TMC2: variants seen among roughly 807,000 people sequenced by gnomAD.
The protein encoded by TMC2 is transmembrane channel like 2.
In TMC2, 102 loss-of-function variants were observed where a neutral mutation model predicts 105.9. The ratio of observed to expected loss-of-function variants is 0.96; its 90% CI spans 0.82 to 1.14. TMC2 has a LOEUF of 1.14. Ranked by LOEUF, TMC2 falls within the 50% of genes most tolerant of loss-of-function variation. The probability of loss-of-function intolerance (pLI) is 0.00; values close to 1 mark genes in which losing one functional copy is unlikely to be tolerated. For synonymous variants in TMC2, 402 were observed against 422.8 expected (o/e 0.95, Z 0.60); for missense variants, 1,093 against 1,134.3 (o/e 0.96, Z 0.52).
intron 4 of TMC2, among the ~76,000 whole-genome samples, chr20:2,569,103 T>A (rs560472984): frequency 1.3e-5 from 2 of 152,278 alleles, no homozygotes; most frequent in South Asian, 4.2e-4. Flanking sequence ...AAACTAGCTT[T>A]CTGAGGTGTG....
intron 11 of TMC2, among the ~76,000 whole-genome samples, chr20:2,609,543 G>A (rs755018930): frequency 2.0e-5 from 3 of 152,124 alleles, no homozygotes; most frequent in Admixed American, 6.5e-5. Flanking sequence ...CAGGAATACC[G>A]TGATCAAATA....
intron 4 of TMC2, among the ~76,000 whole-genome samples, chr20:2,570,488 A>G (rs2086095387): frequency 6.6e-6 from 1 of 152,176 alleles, no homozygotes; most frequent in South Asian, 2.1e-4. Context: ...ACTACAATAC[A>G]ATGACTAAAG....
Position 2,616,076 on chromosome 20 carries a change from G to A in TMC2, c.1873-61G>A, listed in dbSNP as rs2086478379. 2.8e-6 allele frequency: 4 copies of A among 1,449,532 alleles called. No homozygotes were observed. The highest frequency in any genetic ancestry group is 1.4e-5 in the African/African-American group (1 of 71,094). 89.8% of individuals were successfully genotyped at this position (1,449,532 alleles called of 1,614,324 possible). A position where few individuals can be genotyped will look rare whatever the true frequency, so the allele number is the denominator to read the frequency against. ...AGTTGGTTGGTAGTAGGGTTTGGCT[G>A]AATTCACCAAACGTGCTTTTTTTTT... On this transcript the variant is annotated intron_variant, in intron 14 of 19. Coordinates refer to ENST00000358864, the MANE Select transcript of TMC2 (RefSeq NM_080751.3). The surrounding 1 kb of genome is among the most constrained non-coding windows in gnomAD (Gnocchi z 4.8).
chr20:2,574,753 T>A lies in TMC2; in HGVS notation c.645+2484T>A, dbSNP rs1314043197. Among the ~76,000 whole-genome samples, 3 of 152,170 alleles carry A rather than the reference T, an allele frequency of 2.0e-5. No individual in the cohort carries two copies. The East Asian group carries it at 5.8e-4, about 29-fold the overall frequency. On this transcript the variant is annotated intron_variant, in intron 5 of 19. Coordinates refer to ENST00000358864, the MANE Select transcript of TMC2 (RefSeq NM_080751.3). The stretch of plus-strand genomic sequence containing the variant: ...TCTTATTCCTTTGTTTTTTTGTTTT[T>A]TTTTCTCTGTCGCCCAGGCTAGAGT...
At chr20:2,622,068 A>G (rs752789493) in intron 16 of TMC2, among the ~76,000 whole-genome samples, 1 of 152,208 alleles carries the variant, frequency 6.6e-6, no homozygotes, top group Non-Finnish European at 1.5e-5. Context: ...ATTGTCATAC[A>G]GTGATGTGCC....
At chr20:2,628,209 T>G (rs889080608) in intron 17 of TMC2, among the ~76,000 whole-genome samples, 3 of 151,960 alleles carry the variant, frequency 2.0e-5, no homozygotes, top group African/African-American at 7.2e-5. Context: ...CACACCTATG[T>G]TGTTAAGTTT....
intron 17 of TMC2, among the ~76,000 whole-genome samples, chr20:2,625,133 T>C (rs189012192): frequency 2.4e-4 from 36 of 152,334 alleles, no homozygotes; most frequent in Admixed American, 2.3e-3. Context: ...GAGTCTTGGA[T>C]TGGAATTGTT....
At position 2,588,012 on chromosome 20, in the gene TMC2, T is replaced by TCC. The variant is rs59961414; in HGVS notation, c.835-4289_835-4288dup. On this transcript the variant is annotated intron_variant, in intron 7 of 19. Transcript: ENST00000358864. ...CTAAATGACCCTCAATCTTGTATAA[T>TCC]CCCCCCCCCCTTTGAGTATGGACAG... 6.0e-4 allele frequency among the ~76,000 whole-genome samples: 87 copies of TCC among 144,464 alleles called. 1 individual carries two copies. The highest frequency in any genetic ancestry group is 3.4e-3 in the Middle Eastern group (1 of 290). The allele number at this position is 144,464 out of a possible 152,430, so 94.8% of individuals were successfully genotyped here. A position where few individuals can be genotyped will look rare whatever the true frequency, so the allele number is the denominator to read the frequency against.
rs1463629287 is a variant in TMC2, at chr20:2,558,602, A to T, written c.229A>T (p.Arg77Trp). The T allele has an allele frequency of 9.0e-6, 14 of 1,556,962 alleles. No individual in the cohort carries two copies. The highest frequency in any genetic ancestry group is 1.1e-5 in the Non-Finnish European group (13 of 1,149,968). ...TCCCCGGAGGAAGCAAACAGGGCGCAGGAGACACAGAGAAGAGCTGGGGGA... is the reference window on the plus strand; with the variant it reads ...TCCCCGGAGGAAGCAAACAGGGCGCTGGAGACACAGAGAAGAGCTGGGGGA... ...GSPRRKQTGR[R>W]RHREELGEQE... Residue 77 changes from arginine to tryptophan, a missense_variant, in exon 3 of 20, where the codon AGG becomes TGG. Transcript: ENST00000358864. This position sits in a 1 kb window ranked among gnomAD's most constrained non-coding sequence, Gnocchi z 4.6.
intron 17 of TMC2, among the ~76,000 whole-genome samples, chr20:2,626,514 A>G (rs1054157904): frequency 7.2e-5 from 11 of 152,200 alleles, no homozygotes; most frequent in Admixed American, 6.5e-4. Flanking sequence ...AGCAATCACA[A>G]AGGGATACCC....
chr20:2,577,276 A>G (rs2086153826), intron 5 of TMC2, among the ~76,000 whole-genome samples: 1 of 151,976 alleles, frequency 6.6e-6, no homozygotes, highest in Non-Finnish European at 1.5e-5. Context: ...CATGACCTCA[A>G]GTGATCCACC....
Position 2,616,553 on chromosome 20 carries a change from G to A in TMC2, c.1940+349G>A, listed in dbSNP as rs934102633. ...AGTAAAGAAGAGGAGGAAAAGAGGA[G>A]GAAAGGAAAATAAAGAAGGAGGGAG... On this transcript the variant is annotated intron_variant, in intron 15 of 19. Coordinates refer to ENST00000358864, the MANE Select transcript of TMC2 (RefSeq NM_080751.3). The surrounding 1 kb of genome is among the most constrained non-coding windows in gnomAD (Gnocchi z 4.8). 4.8e-5 allele frequency among the ~76,000 whole-genome samples: 7 copies of A among 145,264 alleles called. No homozygotes were observed. Among genetic ancestry groups the A allele is most frequent in the Non-Finnish European group, 9.3e-5 (6 of 64,480 alleles).
chr20:2,641,952 G>A lies in TMC2; in HGVS notation c.*601G>A, dbSNP rs1384687234. Among the ~76,000 whole-genome samples the A allele has an allele frequency of 6.6e-6, 1 of 152,184 alleles. No individual in the cohort carries two copies. Among genetic ancestry groups the A allele is most frequent in the Non-Finnish European group, 1.5e-5 (1 of 68,050 alleles). On this transcript the variant is annotated 3_prime_UTR_variant, in exon 20 of 20. Coordinates refer to ENST00000358864, the MANE Select transcript of TMC2 (RefSeq NM_080751.3). ...ACAAAAAAATTAGCTAGGCATGGTG[G>A]TATGCACCTGTAATCCCAGCTACTT... is the stretch of plus-strand genomic sequence containing the variant.
rs1050729550 is a variant in TMC2 at position 2,610,587 on chromosome 20, G to A, written c.1582G>A (p.Val528Ile). 8.2e-6 allele frequency: 13 copies of A among 1,590,072 alleles called. No individual in the cohort carries two copies. The highest frequency in any genetic ancestry group is 1.7e-4 in the Middle Eastern group (1 of 5,948). ...YTFLLALMDD[V>I]HLKLANEETI... Reference sequence around the variant, plus strand: ...ATTTCTCTTGGCCCTGATGGATGACGTCCACCTCAAGGTAAAAACCACAAC... The same window carrying A: ...ATTTCTCTTGGCCCTGATGGATGACATCCACCTCAAGGTAAAAACCACAAC... Residue 528 changes from valine to isoleucine, a missense_variant, in exon 12 of 20, where the codon GTC (valine) becomes ATC (isoleucine). Val to Ile is a conservative substitution (Grantham distance 29). Transcript: ENST00000358864.
chr20:2,608,432 A>T (rs949293417), intron 11 of TMC2, among the ~76,000 whole-genome samples: 14 of 151,626 alleles, frequency 9.2e-5, no homozygotes, highest in Non-Finnish European at 5.9e-5. Flanking sequence ...GGTTCAAGTG[A>T]TTCTCTTGCC....
chr20:2,592,950 T>C lies in TMC2; in HGVS notation c.933+542T>C, dbSNP rs1451252825. Among the ~76,000 whole-genome samples, 2 of 152,212 alleles carry C rather than the reference T, an allele frequency of 1.3e-5. No individual in the cohort carries two copies. Among genetic ancestry groups the C allele is most frequent in the African/African-American group, 4.8e-5 (2 of 41,446 alleles). The stretch of plus-strand genomic sequence containing the variant: ...CCGCCACTGCCATCCAACCAACCAC[T>C]AAATCTGAACCTACCTACTAAATAT... On this transcript the variant is annotated intron_variant, in intron 8 of 19. Coordinates refer to ENST00000358864, the MANE Select transcript of TMC2 (RefSeq NM_080751.3). This position sits in a 1 kb window ranked among gnomAD's most constrained non-coding sequence, Gnocchi z 4.9.
intron 7 of TMC2, among the ~76,000 whole-genome samples, chr20:2,589,054 CT>C (rs1158224294): frequency 6.6e-6 from 1 of 152,012 alleles, no homozygotes; most frequent in African/African-American, 2.4e-5. Context: ...TTTAGACTTC[CT>C]TTGAATCTGT....
At chr20:2,579,478 G>A (rs1015395978) in intron 6 of TMC2, among the ~76,000 whole-genome samples, 1 of 151,552 alleles carries the variant, frequency 6.6e-6, no homozygotes, top group African/African-American at 2.4e-5. Context: ...CTGGAGTGCA[G>A]TGGTGTGATC....
In TMC2 at chr20:2,584,376, G is replaced by A. The variant is rs543641344; in HGVS notation, c.834+4320G>A. On this transcript the variant is annotated intron_variant, in intron 7 of 19. Transcript: ENST00000358864. ...GGAGAATGGCGTGAACCCGGGAGGC[G>A]GAGCTTGCAGTGAGCCGAGATCCCG... Among the ~76,000 whole-genome samples, 88 of 143,954 alleles carry A rather than the reference G, an allele frequency of 6.1e-4. 1 individual carries two copies. In the South Asian group the frequency reaches 0.018, roughly 30 times the overall value. The allele number at this position is 143,954 out of a possible 152,430, so 94.4% of individuals were successfully genotyped here.
Sources: allele counts gnomAD v4.1 joint callset (sites outside exome capture counted in the v4.1 genomes callset), GRCh38; gene constraint gnomAD v4.1.1; non-coding constraint Gnocchi (gnomAD v3.1); transcripts MANE v1.5; gene names NCBI Gene and HGNC (gene_info 2026-07-23, HGNC 2026-07-21).